Variants in TUBA1C observed in about 807,000 individuals in gnomAD.
The protein encoded by TUBA1C is tubulin alpha 1c.
A neutral mutation model predicts 34.9 loss-of-function variants in TUBA1C; 16 were observed. The ratio of observed to expected loss-of-function variants is 0.46; its 90% CI spans 0.31 to 0.70. The LOEUF is 0.70. Among genes scored for constraint, TUBA1C ranks in the 30% least tolerant of loss-of-function variants. The pLI is 0.05. For missense variants in TUBA1C, 329 were observed against 587.3 expected (o/e 0.56, Z 4.55); for synonymous variants, 177 against 215.9 (o/e 0.82, Z 1.58).
chr12:49,265,513 A>G (rs1413790979), intron 1 of TUBA1C, among the ~76,000 whole-genome samples: 1 of 152,158 alleles, frequency 6.6e-6, no homozygotes, highest in Non-Finnish European at 1.5e-5. Flanking sequence ...ACTTAAACTA[A>G]AAATCCCTCC....
intron 1 of TUBA1C, among the ~76,000 whole-genome samples, chr12:49,252,747 T>G (rs554821308): frequency 6.6e-6 from 1 of 151,908 alleles, no homozygotes; most frequent in Non-Finnish European, 1.5e-5. Flanking sequence ...CCGTCTCTAC[T>G]GAAAAAATAC....
Position 49,265,095 on chromosome 12 carries a change from C to T in TUBA1C, c.-87C>T. The T allele has an allele frequency of 1.3e-6, 2 of 1,494,698 alleles. No homozygotes were observed. Among genetic ancestry groups the T allele is most frequent in the South Asian group, 1.4e-5 (1 of 73,490 alleles). 92.6% of individuals were successfully genotyped at this position (1,494,698 alleles called of 1,614,324 possible). A position where few individuals can be genotyped will look rare whatever the true frequency, so the allele number is the denominator to read the frequency against. On this transcript the variant is annotated 5_prime_UTR_variant, in exon 1 of 4. Coordinates refer to ENST00000301072, the MANE Select transcript of TUBA1C (RefSeq NM_032704.5). ...GGCCACCCTTTCACTACTTCTCCCC[C>T]GGACTCCTTGGTAGTCTGTTAGTGG...
At chr12:49,235,863 G>A (rs868316914) in intron 1 of TUBA1C, among the ~76,000 whole-genome samples, 8 of 152,180 alleles carry the variant, frequency 5.3e-5, no homozygotes, top group Non-Finnish European at 1.0e-4. Context: ...TACATTGCTG[G>A]TCTCTGAGGA....
Position 49,251,836 on chromosome 12 carries a change from G to A in TUBA1C, c.214-17629G>A, listed in dbSNP as rs1037372563. 2.6e-5 allele frequency among the ~76,000 whole-genome samples: 4 copies of A among 151,304 alleles called. No individual in the cohort carries two copies. The East Asian group carries it at 7.7e-4, about 29-fold the overall frequency. On this transcript the variant is annotated intron_variant, in intron 1 of 3. Coordinates refer to the TUBA1C transcript ENST00000541364. ...GTTGTATTTATTCCAAGGATGCATG[G>A]TTGGTTTAAATTCTAAAATAAATTA...
chr12:49,229,831 C>T (rs1182393507), intron 1 of TUBA1C, among the ~76,000 whole-genome samples: 25 of 151,812 alleles, frequency 1.6e-4, no homozygotes, highest in South Asian at 2.1e-4. Context: ...CTTGCTCTGT[C>T]GCCCAGGCTG....
At chr12:49,257,802 C>CA in intron 1 of TUBA1C, 1 of 158,872 alleles carries the variant, frequency 6.3e-6, no homozygotes, top group African/African-American at 2.5e-5. Context: ...TACAGCTGTA[C>CA]AATGTGTTTT....
At chr12:49,237,745 AAAAAG>A (rs1942571697) in intron 1 of TUBA1C, among the ~76,000 whole-genome samples, 1 of 150,882 alleles carries the variant, frequency 6.6e-6, no homozygotes, top group Non-Finnish European at 1.5e-5. Flanking sequence ...GTCAAAAAAA[AAAAAG>A]AGAGAGAGAG....
upstream of TUBA1C, among the ~76,000 whole-genome samples, chr12:49,262,081 A>C (rs144215036): frequency 6.6e-6 from 1 of 152,176 alleles, no homozygotes; most frequent in Non-Finnish European, 1.5e-5. Flanking sequence ...CATATTGCAC[A>C]TTCAAAACCT....
chr12:49,267,640 A>T (rs1267382054), intron 1 of TUBA1C, among the ~76,000 whole-genome samples: 1 of 152,210 alleles, frequency 6.6e-6, no homozygotes, highest in Non-Finnish European at 1.5e-5. Context: ...ACTTTTTCTC[A>T]AAAAGGTAAA....
intron 1 of TUBA1C, among the ~76,000 whole-genome samples, chr12:49,250,996 C>G (rs755156825): frequency 1.3e-5 from 2 of 152,140 alleles, no homozygotes; most frequent in African/African-American, 4.8e-5. Flanking sequence ...CACTTGAGGT[C>G]GGGAGTTCAA....
intron 1 of TUBA1C, among the ~76,000 whole-genome samples, chr12:49,237,136 C>G (rs556502086): frequency 2.6e-5 from 4 of 151,992 alleles, no homozygotes; most frequent in African/African-American, 9.7e-5. Context: ...GATAAAAATC[C>G]GGGCCAGGCA....
chr12:49,266,279 A>AAAG (rs975932461), intron 1 of TUBA1C, among the ~76,000 whole-genome samples: 2 of 146,830 alleles, frequency 1.4e-5, no homozygotes, highest in African/African-American at 5.1e-5. Flanking sequence ...AAAAAAAAAA[A>AAAG]ATTAGCTGGG....
chr12:49,229,741 C>T (rs1942476610), intron 1 of TUBA1C, among the ~76,000 whole-genome samples: 2 of 151,158 alleles, frequency 1.3e-5, no homozygotes, highest in Non-Finnish European at 3.0e-5. Context: ...ATAAATGGTG[C>T]CATGTTGTGC....
intron 1 of TUBA1C, among the ~76,000 whole-genome samples, chr12:49,255,556 C>A (rs533710761): frequency 1.5e-4 from 23 of 151,692 alleles, no homozygotes; most frequent in African/African-American, 4.1e-4. Flanking sequence ...CTGGTAGATT[C>A]GTCTTTTCTT....
intron 1 of TUBA1C, among the ~76,000 whole-genome samples, chr12:49,251,566 G>A (rs147867291): frequency 2.8e-4 from 42 of 152,198 alleles, no homozygotes; most frequent in African/African-American, 1.0e-3. Context: ...CTTGAGGTCA[G>A]CAGTTCAAGA....
chr12:49,228,482 T>C (rs527364405), intron 1 of TUBA1C, among the ~76,000 whole-genome samples: 1 of 152,310 alleles, frequency 6.6e-6, no homozygotes, highest in African/African-American at 2.4e-5. Flanking sequence ...ATATTTTAGT[T>C]TCTGAATCAA....
Position 49,272,320 on chromosome 12 carries a change from G to C in TUBA1C, c.443G>C (p.Gly148Ala). The part of the protein sequence containing the change: ...FHSFGGGTGS[G>A]FTSLLMERLS... ...AGCTTTGGTGGGGGAACTGGTTCTG[G>C]GTTCACCTCGCTGCTCATGGAACGT... is the stretch of plus-strand genomic sequence containing the variant. Residue 148 changes from glycine (G) to alanine (A), a missense_variant, in exon 4 of 4, where the codon GGG becomes GCG. Transcript: ENST00000301072. The C allele has an allele frequency of 6.2e-7, 1 of 1,614,046 alleles. No homozygotes were observed. Among genetic ancestry groups the C allele is most frequent in the Non-Finnish European group, 8.5e-7 (1 of 1,179,998 alleles).
intron 2 of TUBA1C, 53 bp downstream of exon 2, chr12:49,269,740 T>TCTGTC: frequency 6.2e-7 from 1 of 1,612,486 alleles, no homozygotes. Context: ...GGACAGGAGG[T>TCTGTC]CTGTCCTGGG....
intron 1 of TUBA1C, among the ~76,000 whole-genome samples, chr12:49,252,282 A>G (rs1429066228): frequency 6.6e-6 from 1 of 152,198 alleles, no homozygotes; most frequent in African/African-American, 2.4e-5. Context: ...TTCCTAATAA[A>G]ATATGTAAAT....
Sources: gnomAD v4.1 joint callset for allele counts (sites outside exome capture counted in the v4.1 genomes callset) on GRCh38, gnomAD v4.1.1 for gene constraint, MANE v1.5 for transcripts, NCBI Gene and HGNC (gene_info 2026-07-23, HGNC 2026-07-21) for gene names.